GPC5: variants seen among roughly 807,000 people sequenced by gnomAD.
GPC5 encodes the protein glypican 5, also known as glypican-5.
Under a neutral mutation model 53.9 loss-of-function variants are expected in GPC5, and 47 were observed. The observed-to-expected ratio is 0.87, with a 90% CI of 0.69 to 1.11. The LOEUF (loss-of-function observed/expected upper bound fraction) is 1.11. Ranked by LOEUF, GPC5 falls within the 50% of genes most tolerant of loss-of-function variation. The probability of loss-of-function intolerance (pLI) is 0.00; values close to 1 mark genes in which losing one functional copy is unlikely to be tolerated. For missense variants in GPC5, 748 were observed against 713.1 expected, an observed-to-expected ratio of 1.05 and a Z score of -0.56; for synonymous variants, 286 against 263.3, an observed-to-expected ratio of 1.09 and a Z score of -0.84.
chr13:92,446,144 AC>A (rs1877815446), intron 7 of GPC5, among the ~76,000 whole-genome samples: 1 of 151,868 alleles, frequency 6.6e-6, no homozygotes, highest in African/African-American at 2.4e-5. Flanking sequence ...ATTATTGCTG[AC>A]TATAGTCACT....
intron 2 of GPC5, among the ~76,000 whole-genome samples, chr13:91,628,388 C>G (rs1186816937): frequency 6.6e-6 from 1 of 151,916 alleles, no homozygotes; most frequent in Non-Finnish European, 1.5e-5. Flanking sequence ...GCAGTGTAGA[C>G]TATTTCAAGT....
At chr13:92,165,715 G>A (rs925068354) in intron 7 of GPC5, among the ~76,000 whole-genome samples, 1 of 152,222 alleles carries the variant, frequency 6.6e-6, no homozygotes, top group African/African-American at 2.4e-5. Flanking sequence ...GAGACACAGA[G>A]CCAGATCGTA....
chr13:91,828,243 G>T (rs2038604098), intron 5 of GPC5, among the ~76,000 whole-genome samples: 1 of 151,810 alleles, frequency 6.6e-6, no homozygotes, highest in African/African-American at 2.4e-5. Context: ...TCATTGAATG[G>T]TACATTTAAT....
At position 92,778,493 on chromosome 13, in the gene GPC5, G is replaced by A. The variant is rs183064729; in HGVS notation, c.1562-87789G>A. On this transcript the variant is annotated intron_variant, in intron 7 of 7. Coordinates refer to ENST00000377067, the MANE Select transcript of GPC5 (RefSeq NM_004466.6). Reference sequence around the variant, plus strand: ...AACAAAATTGGCTGGCCTGAATTATGGACTAAACCACACATTATTTAAGAA... The same window carrying A: ...AACAAAATTGGCTGGCCTGAATTATAGACTAAACCACACATTATTTAAGAA... Among the ~76,000 whole-genome samples, 88 of 152,188 alleles carry A rather than the reference G, an allele frequency of 5.8e-4. 1 individual carries two copies. Among genetic ancestry groups the A allele is most frequent in the African/African-American group, 2.0e-3 (84 of 41,526 alleles).
chr13:91,778,414 T>A (rs2037746081), intron 5 of GPC5, among the ~76,000 whole-genome samples: 1 of 152,194 alleles, frequency 6.6e-6, no homozygotes, highest in South Asian at 2.1e-4. Context: ...TCCTGACAAA[T>A]AATTTCCAGG....
chr13:91,569,820 G>A (rs1594267729), intron 2 of GPC5, among the ~76,000 whole-genome samples: 2 of 152,130 alleles, frequency 1.3e-5, no homozygotes, highest in Admixed American at 6.6e-5. Flanking sequence ...AGGACACCTT[G>A]ACAGTGCCTT....
Position 92,499,698 on chromosome 13 carries a change from T to G in GPC5, c.1561+354709T>G, listed in dbSNP as rs146131413. On this transcript the variant is annotated intron_variant, in intron 7 of 7. Coordinates refer to ENST00000377067, the MANE Select transcript of GPC5 (RefSeq NM_004466.6). ...AGTAAAGATTTAAACTTCATAAAAT[T>G]TTCATACATAGTGCCTTGTATGTAC... is the stretch of plus-strand genomic sequence containing the variant. Among the ~76,000 whole-genome samples, 1,020 of 152,244 alleles carry G rather than the reference T, an allele frequency of 6.7e-3. 6 individuals are homozygous for G. Among genetic ancestry groups the G allele is most frequent in the Middle Eastern group, 0.017 (5 of 294 alleles).
At chr13:91,735,354 C>A (rs1479867267) in intron 4 of GPC5, among the ~76,000 whole-genome samples, 1 of 150,806 alleles carries the variant, frequency 6.6e-6, no homozygotes, top group Non-Finnish European at 1.5e-5. Context: ...CCTTTGTGTT[C>A]TTTTCTTTCA....
chr13:92,810,008 T>G (rs1877236358), intron 7 of GPC5, among the ~76,000 whole-genome samples: 1 of 152,082 alleles, frequency 6.6e-6, no homozygotes, highest in Non-Finnish European at 1.5e-5. Flanking sequence ...ACTTATTTAA[T>G]AAAGGAATTC....
intron 5 of GPC5, among the ~76,000 whole-genome samples, chr13:91,883,541 A>T (rs2138954547): frequency 6.6e-6 from 1 of 152,348 alleles, no homozygotes; most frequent in African/African-American, 2.4e-5. Flanking sequence ...AGAGCATTCC[A>T]AAGAGAGAAC....
intron 5 of GPC5, among the ~76,000 whole-genome samples, chr13:91,890,699 G>C (rs1020024418): frequency 6.6e-6 from 1 of 152,250 alleles, no homozygotes; most frequent in East Asian, 1.9e-4. Context: ...CAGATACAAA[G>C]TTTTAAAAGG....
At chr13:91,657,952 A>G (rs958982279) in intron 2 of GPC5, among the ~76,000 whole-genome samples, 4 of 152,198 alleles carry the variant, frequency 2.6e-5, no homozygotes, top group African/African-American at 9.7e-5. Context: ...AGTAATGCCT[A>G]CTTTGGATAT....
chr13:92,332,305 C>T (rs530985394), intron 7 of GPC5, among the ~76,000 whole-genome samples: 5 of 152,090 alleles, frequency 3.3e-5, no homozygotes, highest in Non-Finnish European at 7.4e-5. Context: ...CTGAGGATAT[C>T]GGTTTGATAG....
chr13:91,666,206 AAT>A (rs567951221), intron 2 of GPC5, among the ~76,000 whole-genome samples: 11 of 152,296 alleles, frequency 7.2e-5, no homozygotes, highest in African/African-American at 2.4e-4. Context: ...CTGTAAGAGG[AAT>A]TAGAGCATGA....
intron 5 of GPC5, among the ~76,000 whole-genome samples, chr13:91,827,126 T>C (rs1279491714): frequency 6.6e-6 from 1 of 151,928 alleles, no homozygotes; most frequent in African/African-American, 2.4e-5. Flanking sequence ...GTGGAAGATA[T>C]CCCAATTACC....
chr13:91,456,013 C>T (rs16945959), intron 2 of GPC5, among the ~76,000 whole-genome samples: 11,791 of 152,112 alleles, frequency 0.078, 1,485 homozygotes, highest in African/African-American at 0.27. Context: ...TCCATGAAGC[C>T]GCCATTCTCA....
chr13:92,602,407 G>A (rs1884108420), intron 7 of GPC5, among the ~76,000 whole-genome samples: 1 of 151,532 alleles, frequency 6.6e-6, no homozygotes, highest in African/African-American at 2.4e-5. Flanking sequence ...TTGTTGAACT[G>A]TGCCGACTTA....
At chr13:92,678,797 C>T (rs1271338032) in intron 7 of GPC5, among the ~76,000 whole-genome samples, 1 of 151,952 alleles carries the variant, frequency 6.6e-6, no homozygotes, top group African/African-American at 2.4e-5. Context: ...AGAGTAGATC[C>T]AGGTAGTGAG....
chr13:91,613,750 A>G (rs2033623001), intron 2 of GPC5, among the ~76,000 whole-genome samples: 1 of 152,158 alleles, frequency 6.6e-6, no homozygotes, highest in African/African-American at 2.4e-5. Context: ...TAGGTTTTGG[A>G]TTTAAGGAAT....
Sources: gnomAD v4.1 joint callset for allele counts (sites outside exome capture counted in the v4.1 genomes callset) on GRCh38, gnomAD v4.1.1 for gene constraint, MANE v1.5 for transcripts, NCBI Gene and HGNC (gene_info 2026-07-23, HGNC 2026-07-21) for gene names.